Variants in SDK1 observed in about 807,000 individuals in gnomAD.
SDK1 encodes the protein protein sidekick-1.
In SDK1, 157 loss-of-function variants were observed where a neutral mutation model predicts 245.5. That is an observed-to-expected ratio of 0.64 (90% CI 0.56 to 0.73). The LOEUF (loss-of-function observed/expected upper bound fraction) is 0.73, where lower values mean the gene tolerates loss of function less well. SDK1 is among the 30% of genes least tolerant of loss of function. SDK1 has a pLI of 0.00. For missense variants in SDK1, 3,583 were observed against 3,002.3 expected (o/e 1.19, Z -4.52); for synonymous variants, 1,647 against 1,278.5 (o/e 1.29, Z -6.15).
At chr7:3,481,053 T>A (rs1781507721) in intron 1 of SDK1, among the ~76,000 whole-genome samples, 1 of 152,244 alleles carries the variant, frequency 6.6e-6, no homozygotes, top group Admixed American at 6.5e-5. Context: ...TCAGAGAATT[T>A]CAAAGAGTTA....
In SDK1 at chr7:3,979,254, G is replaced by A. The variant is rs540180734; in HGVS notation, c.1994+4709G>A. Among the ~76,000 whole-genome samples, 7 of 152,318 alleles carry A rather than the reference G, an allele frequency of 4.6e-5. No individual in the cohort carries two copies. The East Asian group carries it at 1.3e-3, about 29-fold the overall frequency. Reference sequence around the variant, plus strand: ...CACCCACCCGGGTTTGTAAGATCCTGTTGTGGAAGCCAGTTGGGGAGGGAT... The same window carrying A: ...CACCCACCCGGGTTTGTAAGATCCTATTGTGGAAGCCAGTTGGGGAGGGAT... On this transcript the variant is annotated intron_variant, in intron 13 of 44. Coordinates refer to ENST00000404826, the MANE Select transcript of SDK1 (RefSeq NM_152744.4).
At chr7:3,411,344 G>C (rs1371973500) in intron 1 of SDK1, among the ~76,000 whole-genome samples, 1 of 152,184 alleles carries the variant, frequency 6.6e-6, no homozygotes, top group Non-Finnish European at 1.5e-5. Context: ...GTGTTAACCA[G>C]ATTAAATTTC....
At chr7:3,598,996 A>C (rs376072335) in intron 1 of SDK1, among the ~76,000 whole-genome samples, 1 of 148,860 alleles carries the variant, frequency 6.7e-6, no homozygotes, top group Non-Finnish European at 1.5e-5. Context: ...GTTGCATGGT[A>C]GTTGCATGCT....
rs570336791 is a variant in SDK1 at position 3,467,370 on chromosome 7, G to T, written c.299-151710G>T. Among the ~76,000 whole-genome samples the T allele has an allele frequency of 2.0e-5, 3 of 152,024 alleles. No individual in the cohort carries two copies. The South Asian group carries it at 6.2e-4, about 32-fold the overall frequency. On this transcript the variant is annotated intron_variant, in intron 1 of 44. Coordinates refer to ENST00000404826, the MANE Select transcript of SDK1 (RefSeq NM_152744.4). ...AAGAGCCCCACTCATGAACATTAAA[G>T]AATTGTTGCCCACTGTACTTTTGGT...
At position 3,669,014 on chromosome 7, in the gene SDK1, C is replaced by A. The variant is rs1170138108; in HGVS notation, c.713+26909C>A. ...GCCCCATTTGAAAAGGACAATTGGC[C>A]ACATAAGGGCTCAAGAAGTTTACCA... On this transcript the variant is annotated intron_variant, in intron 4 of 44. Transcript: ENST00000404826. Among the ~76,000 whole-genome samples the A allele has an allele frequency of 5.9e-5, 9 of 152,168 alleles. 1 individual carries two copies. The South Asian group carries it at 1.5e-3, about 25-fold the overall frequency.
At chr7:3,852,876 T>A (rs911867438) in intron 5 of SDK1, among the ~76,000 whole-genome samples, 1 of 151,860 alleles carries the variant, frequency 6.6e-6, no homozygotes, top group Non-Finnish European at 1.5e-5. Flanking sequence ...ACTTTTGCCA[T>A]AATAGTCACC....
chr7:3,894,153 A>AAT (rs1481658458), intron 5 of SDK1, among the ~76,000 whole-genome samples: 1 of 152,142 alleles, frequency 6.6e-6, no homozygotes, highest in South Asian at 2.1e-4. Context: ...CCAGTTTTAA[A>AAT]ATATATATAT....
chr7:3,738,104 C>T (rs912117662), intron 4 of SDK1, among the ~76,000 whole-genome samples: 1 of 152,234 alleles, frequency 6.6e-6, no homozygotes, highest in Admixed American at 6.5e-5. Flanking sequence ...TTTCTTGTTA[C>T]ATCCAAGAAA....
At chr7:4,184,458 A>C (rs536691774) in intron 35 of SDK1, among the ~76,000 whole-genome samples, 8 of 91,866 alleles carry the variant, frequency 8.7e-5, no homozygotes, top group Admixed American at 7.1e-4. Context: ...TGCTCATAAG[A>C]TGAGTGTCCA....
In SDK1 at chr7:3,549,104, A is replaced by G. The variant is rs1246852228; in HGVS notation, c.299-69976A>G. 5.3e-5 allele frequency among the ~76,000 whole-genome samples: 8 copies of G among 152,344 alleles called. No homozygotes were observed. In the East Asian group the frequency reaches 1.4e-3, roughly 26 times the overall value. ...ACTTGCCATTCAATGTAAGTGCAGCATATTTCCAAACTGCGTAAAAAATGA... is the reference window on the plus strand; with the variant it reads ...ACTTGCCATTCAATGTAAGTGCAGCGTATTTCCAAACTGCGTAAAAAATGA... On this transcript the variant is annotated intron_variant, in intron 1 of 44. Coordinates refer to ENST00000404826, the MANE Select transcript of SDK1 (RefSeq NM_152744.4).
At chr7:3,493,525 G>A (rs1345390135) in intron 1 of SDK1, among the ~76,000 whole-genome samples, 1 of 152,154 alleles carries the variant, frequency 6.6e-6, no homozygotes, top group East Asian at 1.9e-4. Context: ...ATATTTACTA[G>A]GAAGTGCCCA....
chr7:3,550,484 TCTGGGCCACTG>T (rs1479179192), intron 1 of SDK1, among the ~76,000 whole-genome samples: 12 of 152,212 alleles, frequency 7.9e-5, no homozygotes, highest in African/African-American at 2.9e-4. Flanking sequence ...CTTCAGCTCT[TCTGGGCCACTG>T]CTGGGTGCTC....
intron 32 of SDK1, among the ~76,000 whole-genome samples, chr7:4,173,628 G>T (rs1781990731): frequency 6.6e-6 from 1 of 152,200 alleles, no homozygotes; most frequent in Non-Finnish European, 1.5e-5. Context: ...AGGGTGTATT[G>T]TTTGCCTGGG....
Position 3,770,434 on chromosome 7 carries a change from C to G in SDK1, c.714-51016C>G, listed in dbSNP as rs111324763. 6.4e-4 allele frequency among the ~76,000 whole-genome samples: 97 copies of G among 152,262 alleles called. 1 individual carries two copies. Among genetic ancestry groups the G allele is most frequent in the African/African-American group, 2.2e-3 (93 of 41,564 alleles). On this transcript the variant is annotated intron_variant, in intron 4 of 44. Coordinates refer to ENST00000404826, the MANE Select transcript of SDK1 (RefSeq NM_152744.4). ...ATTCATGCACAGGTTTTTACATAAA[C>G]ATAAGTTTTCATTTATCTGAGATAA... is the stretch of plus-strand genomic sequence containing the variant.
chr7:3,358,965 T>G (rs1449408082), intron 1 of SDK1, among the ~76,000 whole-genome samples: 1 of 152,238 alleles, frequency 6.6e-6, no homozygotes, highest in Admixed American at 6.5e-5. Context: ...AAGAATATCT[T>G]AATCACAGCC....
intron 4 of SDK1, among the ~76,000 whole-genome samples, chr7:3,672,269 G>A (rs1199355649): frequency 6.6e-6 from 1 of 151,986 alleles, no homozygotes; most frequent in African/African-American, 2.4e-5. Context: ...TTTCTGTAGT[G>A]CCCAGTTATT....
chr7:4,073,929 C>G (rs190360279), intron 20 of SDK1, among the ~76,000 whole-genome samples: 2 of 152,024 alleles, frequency 1.3e-5, no homozygotes, highest in Admixed American at 1.3e-4. Flanking sequence ...GTGCTCAGGC[C>G]CCTCTCCCAG....
intron 1 of SDK1, among the ~76,000 whole-genome samples, chr7:3,542,503 C>T (rs926328131): frequency 6.6e-6 from 1 of 152,042 alleles, no homozygotes; most frequent in Non-Finnish European, 1.5e-5. Flanking sequence ...TGGGAGACAT[C>T]GTTGTGTGCC....
intron 4 of SDK1, among the ~76,000 whole-genome samples, 172 bp from the exon 5 acceptor site, chr7:3,821,278 G>C (rs573358487): frequency 6.6e-6 from 1 of 152,186 alleles, no homozygotes; most frequent in East Asian, 1.9e-4. Context: ...ATCAGAAGAG[G>C]CTCTCTCTGG....
Sources: gnomAD v4.1 joint callset for allele counts (sites outside exome capture counted in the v4.1 genomes callset) on GRCh38, gnomAD v4.1.1 for gene constraint, MANE v1.5 for transcripts, NCBI Gene and HGNC (gene_info 2026-07-23, HGNC 2026-07-21) for gene names.